Variants in FREM1 observed in about 807,000 individuals in gnomAD.
FREM1 encodes FRAS1 related extracellular matrix 1, also known as FRAS1-related extracellular matrix protein 1.
A neutral mutation model predicts 210.1 loss-of-function variants in FREM1; 220 were observed. That is an observed-to-expected ratio of 1.05 (90% CI 0.94 to 1.17). The LOEUF (loss-of-function observed/expected upper bound fraction) is 1.17, where lower values mean the gene tolerates loss of function less well. FREM1 is among the 50% of genes most tolerant of loss of function. The pLI, the probability that FREM1 is intolerant of heterozygous loss-of-function variation, is 0.00. For missense variants in FREM1, 3,454 were observed against 2,675.5 expected (o/e 1.29, Z -6.42); for synonymous variants, 1,189 against 980.2 (o/e 1.21, Z -3.98).
chr9:14,770,944 A>C, intron 25 of FREM1, 138 bp from the exon 26 acceptor site: 1 of 636,938 alleles, frequency 1.6e-6, no homozygotes, highest in Non-Finnish European at 2.8e-6. Context: ...ATTCCTGCTA[A>C]AGACAGTCCT....
chr9:14,909,628 A>G (rs925439752), intron 1 of FREM1, among the ~76,000 whole-genome samples: 1 of 152,230 alleles, frequency 6.6e-6, no homozygotes, highest in Non-Finnish European at 1.5e-5. Context: ...TTACACAGTT[A>G]AAAAATGGTT....
chr9:14,789,502 A>G (rs1315704589), intron 22 of FREM1, among the ~76,000 whole-genome samples: 1 of 152,142 alleles, frequency 6.6e-6, no homozygotes, highest in Non-Finnish European at 1.5e-5. Context: ...TCCATTTTTT[A>G]GTTCTTTTCA....
At chr9:14,840,821 A>G (rs1180565110) in intron 10 of FREM1, among the ~76,000 whole-genome samples, 1 of 152,120 alleles carries the variant, frequency 6.6e-6, no homozygotes, top group Non-Finnish European at 1.5e-5. Context: ...ACTTTCTGTA[A>G]TTTCTATATG....
At chr9:14,780,132 G>A (rs1849416008) in intron 24 of FREM1, among the ~76,000 whole-genome samples, 1 of 152,160 alleles carries the variant, frequency 6.6e-6, no homozygotes, top group Non-Finnish European at 1.5e-5. Flanking sequence ...CCATTGCTAT[G>A]TTGGTATCCA....
chr9:14,907,910 G>C (rs1385777762), intron 1 of FREM1, among the ~76,000 whole-genome samples: 1 of 152,170 alleles, frequency 6.6e-6, no homozygotes, highest in East Asian at 1.9e-4. Flanking sequence ...TGAGGGGTTA[G>C]ATGGCTCTTC....
chr9:14,770,801 G>A lies in FREM1; in HGVS notation c.4863C>T (p.Asp1621=), dbSNP rs1335583964. 1.2e-6 allele frequency: 2 copies of A among 1,610,358 alleles called. No individual in the cohort carries two copies. The highest frequency in any genetic ancestry group is 4.5e-5 in the East Asian group (2 of 44,764). The change falls in exon 26 of 37, where the codon GAC becomes GAT. Residue 1621 remains aspartate, a synonymous_variant. Transcript: ENST00000380880. The stretch of plus-strand genomic sequence containing the variant: ...TACGAGGAGCTGTTTTGTCCAATTG[G>A]TCTACCTGGATCATCAACAATGACA... ...EEPVLFTIQV[D]QLDKTAPRIT... is the part of the protein sequence containing the mutation.
chr9:14,891,652 C>T (rs139492801), intron 1 of FREM1, among the ~76,000 whole-genome samples: 1 of 152,298 alleles, frequency 6.6e-6, no homozygotes, highest in East Asian at 1.9e-4. Flanking sequence ...CAGCATTTGA[C>T]TCAAACTGGG....
chr9:14,836,911 T>C lies in FREM1; in HGVS notation c.1881+4536A>G, dbSNP rs1824731532. ...AGGAGTTATTAAGAAAAAGAAATTA[T>C]TTTATGCAGATAGAGAGGAAAAGGG... On this transcript the variant is annotated intron_variant, in intron 10 of 36. Transcript: ENST00000380880. The surrounding 1 kb of genome is among the most constrained non-coding windows in gnomAD (Gnocchi z 4.9). Among the ~76,000 whole-genome samples, 2 of 152,206 alleles carry C rather than the reference T, an allele frequency of 1.3e-5. No individual in the cohort carries two copies. The highest frequency in any genetic ancestry group is 2.4e-5 in the African/African-American group (1 of 41,450).
At chr9:14,806,328 T>C (rs1818355337) in intron 18 of FREM1, among the ~76,000 whole-genome samples, 1 of 149,382 alleles carries the variant, frequency 6.7e-6, no homozygotes, top group African/African-American at 2.5e-5. Context: ...CAATCTCAGC[T>C]CACTGCAACC....
intron 15 of FREM1, among the ~76,000 whole-genome samples, chr9:14,814,003 C>G (rs896393653): frequency 2.6e-5 from 4 of 152,158 alleles, no homozygotes; most frequent in African/African-American, 9.7e-5. Context: ...GCCTTTGCCA[C>G]TCCACTCCAG....
rs763056734 is a variant in FREM1, at chr9:14,812,804, C to T, written c.2893+8G>A. Reference sequence around the variant, plus strand: ...CATTCCCTCACTGGTCACCATGCTGCTGCTTACCTGTGTGTTTGTATGTCA... The same window carrying T: ...CATTCCCTCACTGGTCACCATGCTGTTGCTTACCTGTGTGTTTGTATGTCA... On this transcript the variant is annotated splice_region_variant and intron_variant, in intron 16 of 36. Transcript: ENST00000380880. 6.1e-5 allele frequency: 97 copies of T among 1,596,346 alleles called. No individual in the cohort carries two copies. The highest frequency in any genetic ancestry group is 7.5e-5 in the Non-Finnish European group (88 of 1,170,118).
chr9:14,831,552 C>T (rs903777750), intron 10 of FREM1, among the ~76,000 whole-genome samples: 2 of 152,200 alleles, frequency 1.3e-5, no homozygotes, highest in Admixed American at 6.5e-5. Context: ...CCTATTTTGT[C>T]TCCTATTAAG....
At chr9:14,871,551 A>G (rs1832683180) in intron 1 of FREM1, among the ~76,000 whole-genome samples, 1 of 152,136 alleles carries the variant, frequency 6.6e-6, no homozygotes, top group Admixed American at 6.5e-5. Flanking sequence ...GATTCTGGAT[A>G]TTAGCCTTTG....
At chr9:14,825,215 C>A (rs1239188131) in intron 10 of FREM1, among the ~76,000 whole-genome samples, 1 of 151,864 alleles carries the variant, frequency 6.6e-6, no homozygotes, top group Non-Finnish European at 1.5e-5. Flanking sequence ...AGGCCAGGTG[C>A]AGGGGGTCAC....
chr9:14,774,432 C>G (rs1033982877), intron 25 of FREM1, among the ~76,000 whole-genome samples: 2 of 151,836 alleles, frequency 1.3e-5, no homozygotes, highest in African/African-American at 2.4e-5. Context: ...AAATTTGTAG[C>G]CTGCCAACGT....
At chr9:14,899,561 A>T (rs1375567450) in intron 1 of FREM1, among the ~76,000 whole-genome samples, 2 of 152,248 alleles carry the variant, frequency 1.3e-5, no homozygotes, top group Admixed American at 1.3e-4. Flanking sequence ...AGGATACAGC[A>T]ATGTAGAAAA....
At chr9:14,793,639 T>TGC (rs1194579574) in intron 21 of FREM1, among the ~76,000 whole-genome samples, 82 of 152,294 alleles carry the variant, frequency 5.4e-4, no homozygotes, top group African/African-American at 2.0e-3. Flanking sequence ...TCCACCAGGG[T>TGC]TTCTAGCTCT....
At position 14,860,864 on chromosome 9, in the gene FREM1, CAT is replaced by C. The variant is rs769075680; in HGVS notation, c.330-1382_330-1381del. Among the ~76,000 whole-genome samples, 213 of 49,848 alleles carry C rather than the reference CAT, an allele frequency of 4.3e-3. 45 individuals carry two copies. The East Asian group carries it at 0.073, about 17-fold the overall frequency. 32.7% of individuals were successfully genotyped at this position (49,848 alleles called of 152,430 possible). ...ATATACATATATACGTATATATACA[CAT>C]ATATATACGTATATATACACATATA... On this transcript the variant is annotated intron_variant, in intron 3 of 36. Coordinates refer to ENST00000380880, the MANE Select transcript of FREM1 (RefSeq NM_001379081.2).
At chr9:14,765,087 T>G (rs1472487161) in intron 27 of FREM1, among the ~76,000 whole-genome samples, 1 of 152,242 alleles carries the variant, frequency 6.6e-6, no homozygotes, top group Non-Finnish European at 1.5e-5. Flanking sequence ...ATTAAATTAC[T>G]ATCCTTATAA....
Sources: allele counts gnomAD v4.1 joint callset (sites outside exome capture counted in the v4.1 genomes callset), GRCh38; gene constraint gnomAD v4.1.1; non-coding constraint Gnocchi (gnomAD v3.1); transcripts MANE v1.5; gene names NCBI Gene and HGNC (gene_info 2026-07-23, HGNC 2026-07-21).